Variants in FSTL5 observed in about 807,000 individuals in gnomAD.
FSTL5 encodes follistatin like 5.
Under a neutral mutation model 89.1 loss-of-function variants are expected in FSTL5, and 62 were observed. The ratio of observed to expected loss-of-function variants is 0.70; its 90% CI spans 0.57 to 0.86. FSTL5 has a LOEUF of 0.86. FSTL5 is among the 40% of genes least tolerant of loss of function. FSTL5 has a pLI of 0.00. For synonymous variants in FSTL5, 383 were observed against 346.2 expected (o/e 1.11, Z -1.18); for missense variants, 1,057 against 1,001.6 (o/e 1.06, Z -0.75).
chr4:161,806,430 T>A (rs1392366268), intron 4 of FSTL5, among the ~76,000 whole-genome samples: 2 of 151,994 alleles, frequency 1.3e-5, no homozygotes, highest in Non-Finnish European at 2.9e-5. Context: ...GGAGGAAAAA[T>A]GAGATGCATG....
chr4:161,969,587 AAT>A (rs1337478469), intron 3 of FSTL5, among the ~76,000 whole-genome samples: 1 of 152,146 alleles, frequency 6.6e-6, no homozygotes, highest in African/African-American at 2.4e-5. Flanking sequence ...AGTGATACAA[AAT>A]ATATCTCAAA....
chr4:161,695,605 T>G (rs563045857), intron 6 of FSTL5, among the ~76,000 whole-genome samples: 1 of 152,144 alleles, frequency 6.6e-6, no homozygotes, highest in African/African-American at 2.4e-5. Flanking sequence ...CATTTTCGTG[T>G]AATGACTGCC....
chr4:162,061,140 C>T (rs1738705309), intron 2 of FSTL5, among the ~76,000 whole-genome samples: 2 of 151,940 alleles, frequency 1.3e-5, no homozygotes. Context: ...GTGTGCCCCC[C>T]AAAAGAGATG....
intron 6 of FSTL5, among the ~76,000 whole-genome samples, chr4:161,743,541 C>A (rs1051195700): frequency 6.6e-6 from 1 of 151,880 alleles, no homozygotes; most frequent in Admixed American, 6.6e-5. Context: ...GGACTCCATG[C>A]GATTCCATAT....
At chr4:161,829,878 A>G (rs1730789738) in intron 4 of FSTL5, among the ~76,000 whole-genome samples, 1 of 152,104 alleles carries the variant, frequency 6.6e-6, no homozygotes, top group African/African-American at 2.4e-5. Context: ...GTATGCATCA[A>G]TGACAAGGAA....
At chr4:161,415,869 C>G (rs1731763870) in intron 15 of FSTL5, among the ~76,000 whole-genome samples, 1 of 148,198 alleles carries the variant, frequency 6.7e-6, no homozygotes, top group South Asian at 2.1e-4. Context: ...GCACCAGCTG[C>G]TATTTGACAT....
intron 7 of FSTL5, among the ~76,000 whole-genome samples, chr4:161,645,797 T>C (rs1736134210): frequency 6.6e-6 from 1 of 152,122 alleles, no homozygotes; most frequent in Non-Finnish European, 1.5e-5. Flanking sequence ...TATTCTCTGA[T>C]TCCACTTGGA....
At chr4:162,103,482 A>G (rs1731084480) in intron 2 of FSTL5, among the ~76,000 whole-genome samples, 1 of 152,164 alleles carries the variant, frequency 6.6e-6, no homozygotes, top group South Asian at 2.1e-4. Flanking sequence ...CCAGTTCTCC[A>G]TGGGTCTCTA....
At chr4:161,905,222 T>C in intron 4 of FSTL5, among the ~76,000 whole-genome samples, 2 of 152,224 alleles carry the variant, frequency 1.3e-5, no homozygotes, top group South Asian at 4.1e-4. Context: ...TTCTTTAAAA[T>C]TAAAAAAAGA....
In FSTL5 at chr4:162,111,350, A is replaced by G; in HGVS notation, c.47T>C (p.Leu16Pro). Residue 16 changes from leucine to proline, a missense_variant, in exon 2 of 16, where the codon CTG (leucine) becomes CCG (proline). Around this residue, in one of 3 missense-constraint regions of FSTL5, gnomAD observed 980 missense variants for 903.2 expected, o/e 1.08. Transcript: ENST00000306100. ...TTTGGTTGGCCTTCCTTCCGACTCC[A>G]GAAAAATGAATCCGAGAACCAAGAC... is the stretch of plus-strand genomic sequence containing the variant. The part of the protein sequence containing the change: ...SVVLVLGFIF[L>P]ESEGRPTKEG... The G allele has an allele frequency of 1.2e-6, 2 of 1,612,582 alleles. No individual in the cohort carries two copies. The highest frequency in any genetic ancestry group is 2.2e-5 in the South Asian group (2 of 90,946).
Position 161,586,931 on chromosome 4 carries a change from C to T in FSTL5, c.1015+524G>A, listed in dbSNP as rs902995039. 2.0e-5 allele frequency among the ~76,000 whole-genome samples: 3 copies of T among 152,068 alleles called. No individual in the cohort carries two copies. In the South Asian group the frequency reaches 6.2e-4, roughly 31 times the overall value. On this transcript the variant is annotated intron_variant, in intron 8 of 15. Transcript: ENST00000306100. ...TTACTAATCAGTCATATGTGTAATC[C>T]TGTATTAATGCTAGTAAATAACTAA...
At chr4:161,515,407 ATGT>A (rs1156920335) in intron 10 of FSTL5, among the ~76,000 whole-genome samples, 4 of 151,918 alleles carry the variant, frequency 2.6e-5, no homozygotes, top group African/African-American at 4.8e-5. Context: ...GCATTTCACC[ATGT>A]TGTTCAGGCT....
rs545890014 is a variant in FSTL5, at chr4:162,157,570, C to T, written c.-17+6045G>A. On this transcript the variant is annotated intron_variant, in intron 1 of 15. Coordinates refer to ENST00000306100, the MANE Select transcript of FSTL5 (RefSeq NM_020116.5). ...GTTACACGAATGGTATACACAATCT[C>T]GTAAAAATTCCAAGATTAAAAACAT... is the stretch of plus-strand genomic sequence containing the variant. Among the ~76,000 whole-genome samples the T allele has an allele frequency of 5.9e-5, 9 of 151,914 alleles. No homozygotes were observed. In the South Asian group the frequency reaches 1.2e-3, roughly 21 times the overall value.
chr4:161,663,785 C>A (rs948181711), intron 6 of FSTL5, among the ~76,000 whole-genome samples: 5 of 152,212 alleles, frequency 3.3e-5, no homozygotes, highest in Non-Finnish European at 7.3e-5. Flanking sequence ...CCACAGTGCC[C>A]TAGCAGAAGT....
rs561537921 is a variant in FSTL5, at chr4:162,029,336, G to T, written c.160+4289C>A. Reference sequence around the variant, plus strand: ...GCTTTATACGAAGAACAACTGTGTGGCTTCCCCTTTTCATGTACATCAATA... The same window carrying T: ...GCTTTATACGAAGAACAACTGTGTGTCTTCCCCTTTTCATGTACATCAATA... On this transcript the variant is annotated intron_variant, in intron 3 of 15. Coordinates refer to ENST00000306100, the MANE Select transcript of FSTL5 (RefSeq NM_020116.5). 1.2e-3 allele frequency among the ~76,000 whole-genome samples: 184 copies of T among 152,108 alleles called. 6 individuals are homozygous for T. In the South Asian group the frequency reaches 0.038, roughly 31 times the overall value.
chr4:161,868,642 A>T (rs957521332), intron 4 of FSTL5, among the ~76,000 whole-genome samples: 13 of 152,096 alleles, frequency 8.5e-5, no homozygotes, highest in Non-Finnish European at 1.6e-4. Context: ...TAGACCCATT[A>T]GCATAAGTGG....
At chr4:162,073,529 T>C (rs549650305) in intron 2 of FSTL5, among the ~76,000 whole-genome samples, 4 of 151,802 alleles carry the variant, frequency 2.6e-5, no homozygotes, top group Admixed American at 2.6e-4. Context: ...CATCAAGAAA[T>C]GTCTCAAGAA....
At chr4:161,509,339 T>C (rs938415240) in intron 11 of FSTL5, among the ~76,000 whole-genome samples, 10 of 152,110 alleles carry the variant, frequency 6.6e-5, no homozygotes, top group East Asian at 5.8e-4. Context: ...AGTACTGATA[T>C]GTCAAGGCTA....
chr4:161,815,688 T>C (rs1196916882), intron 4 of FSTL5, among the ~76,000 whole-genome samples: 2 of 152,126 alleles, frequency 1.3e-5, no homozygotes, highest in Non-Finnish European at 2.9e-5. Flanking sequence ...AATAATTTCC[T>C]GGCCAGGAGT....
Sources: gnomAD v4.1 joint callset for allele counts (sites outside exome capture counted in the v4.1 genomes callset) on GRCh38, gnomAD v4.1.1 for gene constraint, gnomAD v4.1.1 regional missense constraint, MANE v1.5 for transcripts, NCBI Gene and HGNC (gene_info 2026-07-23, HGNC 2026-07-21) for gene names.